DGKI: variants seen among roughly 807,000 people sequenced by gnomAD.
DGKI encodes the protein DAG kinase iota.
In DGKI, 55 loss-of-function variants were observed where a neutral mutation model predicts 147.5. The observed-to-expected ratio is 0.37, with a 90% CI of 0.30 to 0.47. The LOEUF (loss-of-function observed/expected upper bound fraction) is 0.47. Ranked by LOEUF, DGKI falls within the 20% of genes least tolerant of loss-of-function variation. The pLI is 1.00. For missense variants in DGKI, 1,007 were observed against 1,323.8 expected (o/e 0.76, Z 3.71); for synonymous variants, 469 against 477.1 (o/e 0.98, Z 0.22).
chr7:137,517,720 A>C (rs1047262741), intron 21 of DGKI, among the ~76,000 whole-genome samples: 1 of 152,188 alleles, frequency 6.6e-6, no homozygotes, highest in Non-Finnish European at 1.5e-5. Flanking sequence ...CAAAAAATTC[A>C]GTGGTGGATA....
chr7:137,677,970 T>A (rs191900121), intron 3 of DGKI, among the ~76,000 whole-genome samples: 1 of 152,336 alleles, frequency 6.6e-6, no homozygotes, highest in African/African-American at 2.4e-5. Flanking sequence ...ACCCTCTAAA[T>A]AGATTGTTCT....
At chr7:137,474,385 C>T (rs1238001266) in intron 23 of DGKI, among the ~76,000 whole-genome samples, 1 of 152,092 alleles carries the variant, frequency 6.6e-6, no homozygotes, top group Non-Finnish European at 1.5e-5. Context: ...ATGCAAAATA[C>T]ACCCACAAAA....
At chr7:137,616,145 T>A (rs1375801041) in intron 8 of DGKI, among the ~76,000 whole-genome samples, 3 of 152,128 alleles carry the variant, frequency 2.0e-5, no homozygotes, top group African/African-American at 7.2e-5. Context: ...TTTTTTGGAA[T>A]CAAAATTCCT....
At chr7:137,441,025 G>A (rs1813478840) in intron 28 of DGKI, among the ~76,000 whole-genome samples, 1 of 152,160 alleles carries the variant, frequency 6.6e-6, no homozygotes, top group African/African-American at 2.4e-5. Flanking sequence ...AACTTTTCAA[G>A]GGCGGAACAT....
At chr7:137,654,956 T>C (rs1483938181) in intron 4 of DGKI, among the ~76,000 whole-genome samples, 168 bp from the exon 5 acceptor site, 2 of 152,000 alleles carry the variant, frequency 1.3e-5, no homozygotes, top group Non-Finnish European at 2.9e-5. Context: ...CATTAGATAA[T>C]CAACAGAGAT....
chr7:137,657,834 G>T (rs991969585), intron 3 of DGKI, among the ~76,000 whole-genome samples: 1 of 152,158 alleles, frequency 6.6e-6, no homozygotes, highest in African/African-American at 2.4e-5. Context: ...ACTTTGGAGG[G>T]GTAGGATTAG....
chr7:137,781,765 G>A (rs1469040849), intron 1 of DGKI, among the ~76,000 whole-genome samples: 1 of 152,210 alleles, frequency 6.6e-6, no homozygotes, highest in Non-Finnish European at 1.5e-5. Flanking sequence ...GCCTAAGAGT[G>A]ACCGGAATTG....
At chr7:137,465,634 TACAAGCACAAAC>T (rs1326865404) in intron 26 of DGKI, among the ~76,000 whole-genome samples, 9 of 152,218 alleles carry the variant, frequency 5.9e-5, no homozygotes, top group Non-Finnish European at 1.2e-4. Flanking sequence ...ACTACAAACG[TACAAGCACAAAC>T]ACAAGTACTA....
chr7:137,582,946 C>T (rs1563097095), intron 14 of DGKI, among the ~76,000 whole-genome samples: 1 of 152,044 alleles, frequency 6.6e-6, no homozygotes, highest in African/African-American at 2.4e-5. Flanking sequence ...TGAACTGTAC[C>T]TGTCTTCTCT....
At chr7:137,432,558 A>G (rs1335605890) in intron 28 of DGKI, among the ~76,000 whole-genome samples, 5 of 152,144 alleles carry the variant, frequency 3.3e-5, no homozygotes, top group Non-Finnish European at 5.9e-5. Context: ...AATCCTCACA[A>G]TAAGCCTATT....
chr7:137,683,159 A>G (rs78246027), intron 2 of DGKI, among the ~76,000 whole-genome samples: 2,618 of 151,168 alleles, frequency 0.017, 76 homozygotes, highest in African/African-American at 0.061. Context: ...GAACTCTGAC[A>G]CCCTCTCCGA....
At chr7:137,674,289 G>A (rs1822951571) in intron 3 of DGKI, among the ~76,000 whole-genome samples, 1 of 152,138 alleles carries the variant, frequency 6.6e-6, no homozygotes, top group Non-Finnish European at 1.5e-5. Flanking sequence ...CCTGAAGCTT[G>A]GGAACAAACT....
chr7:137,792,161 C>T (rs936273403), intron 1 of DGKI, among the ~76,000 whole-genome samples: 5 of 152,036 alleles, frequency 3.3e-5, no homozygotes, highest in African/African-American at 7.2e-5. Flanking sequence ...CAGGGGGAGC[C>T]GGCTTCCAAG....
In DGKI at chr7:137,423,898, T is replaced by G. The variant is rs146188063; in HGVS notation, c.2762-11691A>C. ...CAATTTTTTATTATACTTTAAGTTC[T>G]GGGATACACGTGCAGAATGTGCAGC... On this transcript the variant is annotated intron_variant, in intron 28 of 32. Transcript: ENST00000614521. 2.4e-4 allele frequency among the ~76,000 whole-genome samples: 36 copies of G among 152,376 alleles called. 1 individual carries two copies. The highest frequency in any genetic ancestry group is 8.7e-4 in the African/African-American group (36 of 41,592).
At chr7:137,399,356 C>T (rs191096167) in intron 30 of DGKI, among the ~76,000 whole-genome samples, 9 of 152,278 alleles carry the variant, frequency 5.9e-5, no homozygotes, top group African/African-American at 2.2e-4. Context: ...AAAGATTTAA[C>T]TCATACCTCT....
At chr7:137,597,931 G>A in intron 11 of DGKI, 24 bp from the exon 12 acceptor site, 2 of 1,606,842 alleles carry the variant, frequency 1.2e-6, no homozygotes, top group Non-Finnish European at 1.7e-6. Flanking sequence ...AGAAGAAAAA[G>A]TAAACAAAAG....
At chr7:137,564,636 A>G (rs1303343795) in intron 19 of DGKI, among the ~76,000 whole-genome samples, 1 of 152,232 alleles carries the variant, frequency 6.6e-6, no homozygotes, top group Admixed American at 6.5e-5. Context: ...TGTTGTTTGT[A>G]AGGACATAAT....
intron 10 of DGKI, among the ~76,000 whole-genome samples, chr7:137,605,114 C>G (rs1820130088): frequency 1.3e-5 from 2 of 151,908 alleles, no homozygotes; most frequent in Admixed American, 1.3e-4. Context: ...TCCAGACCAG[C>G]CTGGCCAACA....
chr7:137,609,410 G>A (rs1820289922), intron 9 of DGKI, 125 bp downstream of exon 9: 2 of 700,602 alleles, frequency 2.9e-6, no homozygotes, highest in Admixed American at 2.7e-5. Flanking sequence ...TGGTTAGAGT[G>A]TAGTGAGGAG....
Sources: gnomAD v4.1 joint callset for allele counts (sites outside exome capture counted in the v4.1 genomes callset) on GRCh38, gnomAD v4.1.1 for gene constraint, MANE v1.5 for transcripts, NCBI Gene and HGNC (gene_info 2026-07-23, HGNC 2026-07-21) for gene names.